Variants in TAF4B observed in about 807,000 individuals in gnomAD.
TAF4B encodes the protein transcription initiation factor TFIID subunit 4B.
Under a neutral mutation model 86.4 loss-of-function variants are expected in TAF4B, and 38 were observed. That is an observed-to-expected ratio of 0.44 (90% CI 0.34 to 0.58). The LOEUF (loss-of-function observed/expected upper bound fraction) is 0.58. Ranked by LOEUF, TAF4B falls within the 20% of genes least tolerant of loss-of-function variation. TAF4B has a pLI of 0.02. For missense variants in TAF4B, 988 were observed against 1,027.6 expected, an observed-to-expected ratio of 0.96 and a Z score of 0.53; for synonymous variants, 388 against 391.2, an observed-to-expected ratio of 0.99 and a Z score of 0.10.
intron 1 of TAF4B, among the ~76,000 whole-genome samples, chr18:26,252,815 GTTATT>G (rs1361060401): frequency 5.4e-5 from 8 of 149,342 alleles, no homozygotes; most frequent in South Asian, 2.1e-4. Context: ...TATTTTATTA[GTTATT>G]TTATTTATTT....
At chr18:26,355,616 A>G (rs915045932) in intron 13 of TAF4B, among the ~76,000 whole-genome samples, 2 of 152,236 alleles carry the variant, frequency 1.3e-5, no homozygotes, top group Admixed American at 6.5e-5. Context: ...TCAGAAAACC[A>G]AAGTATAATT....
At chr18:26,264,615 A>AGG (rs892653875) in intron 1 of TAF4B, among the ~76,000 whole-genome samples, 2 of 152,212 alleles carry the variant, frequency 1.3e-5, no homozygotes, top group African/African-American at 4.8e-5. Context: ...TACATAGCAA[A>AGG]GGGGAGTAAG....
intron 14 of TAF4B, among the ~76,000 whole-genome samples, chr18:26,381,809 T>G (rs1163887610): frequency 6.6e-6 from 1 of 152,102 alleles, no homozygotes; most frequent in African/African-American, 2.4e-5. Context: ...CTTCCATCCT[T>G]TGTGCTATTG....
At chr18:26,327,377 C>T (rs1332969285) in intron 12 of TAF4B, among the ~76,000 whole-genome samples, 1 of 152,142 alleles carries the variant, frequency 6.6e-6, no homozygotes, top group Non-Finnish European at 1.5e-5. Flanking sequence ...TCTCCCCATC[C>T]TCAAACCCAG....
At position 26,285,312 on chromosome 18, in the gene TAF4B, C is replaced by T. The variant is rs1054783779; in HGVS notation, c.973-570C>T. On this transcript the variant is annotated intron_variant, in intron 6 of 14. Transcript: ENST00000269142. ...TCAGCTCACTGCAACCTCTGCCTCC[C>T]GAGTAGCTGGGACTACACGTGTGTG... 4.9e-5 allele frequency among the ~76,000 whole-genome samples: 7 copies of T among 142,540 alleles called. No homozygotes were observed. In the East Asian group the frequency reaches 6.7e-4, roughly 14 times the overall value. The allele number at this position is 142,540 out of a possible 152,430, so 93.5% of individuals were successfully genotyped here. A position where few individuals can be genotyped will look rare whatever the true frequency, so the allele number is the denominator to read the frequency against.
At chr18:26,372,309 C>T (rs1598837042) in intron 14 of TAF4B, among the ~76,000 whole-genome samples, 1 of 152,312 alleles carries the variant, frequency 6.6e-6, no homozygotes, top group South Asian at 2.1e-4. Flanking sequence ...TTCCCATTCA[C>T]CTTGCCTATT....
intron 5 of TAF4B, among the ~76,000 whole-genome samples, chr18:26,280,153 TA>T (rs1482888392): frequency 1.3e-5 from 2 of 151,984 alleles, no homozygotes; most frequent in Non-Finnish European, 2.9e-5. Flanking sequence ...TCACCATATA[TA>T]AAAATTAACT....
chr18:26,375,918 C>T (rs1248042450), intron 14 of TAF4B, among the ~76,000 whole-genome samples: 4 of 151,990 alleles, frequency 2.6e-5, no homozygotes, highest in African/African-American at 9.7e-5. Flanking sequence ...CATTCTTTTG[C>T]GTGTGGCTAT....
intron 1 of TAF4B, among the ~76,000 whole-genome samples, chr18:26,238,782 C>A (rs1203841987): frequency 6.6e-6 from 1 of 151,998 alleles, no homozygotes; most frequent in East Asian, 1.9e-4. Flanking sequence ...ATGTTCCCCA[C>A]CCTGTGTCCA....
In TAF4B at chr18:26,340,586, G is replaced by A. The variant is rs2057128344; in HGVS notation, c.2316+5355G>A. On this transcript the variant is annotated intron_variant, in intron 13 of 14. Transcript: ENST00000269142. ...GTTGACATGCATAAAATTATCTGGA[G>A]AGCTTGTTAAAATACAGATTACTAG... 1.3e-5 allele frequency among the ~76,000 whole-genome samples: 2 copies of A among 152,130 alleles called. 1 individual carries two copies. Among genetic ancestry groups the A allele is most frequent in the African/African-American group, 4.8e-5 (2 of 41,430 alleles).
chr18:26,228,864 A>G (rs1301372781), intron 1 of TAF4B, among the ~76,000 whole-genome samples: 2 of 152,128 alleles, frequency 1.3e-5, no homozygotes, highest in Admixed American at 6.6e-5. Context: ...GGGCCTTATC[A>G]TGCTAAGCAC....
In TAF4B at chr18:26,274,838, T is replaced by G. The variant is rs766189024; in HGVS notation, c.759+14T>G. ...AATCTTTCTCCGGTAAGCTCTTACTTGCACCTTACATAAATCTTGTTCCTT... is the reference window on the plus strand; with the variant it reads ...AATCTTTCTCCGGTAAGCTCTTACTGGCACCTTACATAAATCTTGTTCCTT... On this transcript the variant is annotated intron_variant, in intron 4 of 14. Transcript: ENST00000269142. 21 of 1,614,052 alleles carry G rather than the reference T, an allele frequency of 1.3e-5. No individual in the cohort carries two copies. Among genetic ancestry groups the G allele is most frequent in the Non-Finnish European group, 1.7e-5 (20 of 1,180,014 alleles).
At chr18:26,273,367 A>C (rs1412367837) in intron 3 of TAF4B, among the ~76,000 whole-genome samples, 2 of 152,180 alleles carry the variant, frequency 1.3e-5, no homozygotes, top group Non-Finnish European at 2.9e-5. Context: ...TGCATTATGA[A>C]ATATACATGC....
At chr18:26,373,908 A>G (rs964166609) in intron 14 of TAF4B, among the ~76,000 whole-genome samples, 1 of 152,182 alleles carries the variant, frequency 6.6e-6, no homozygotes, top group Non-Finnish European at 1.5e-5. Flanking sequence ...TTATGCCACT[A>G]TAGCCTTTTC....
At chr18:26,310,854 C>T (rs1374669062) in intron 9 of TAF4B, among the ~76,000 whole-genome samples, 1 of 151,300 alleles carries the variant, frequency 6.6e-6, no homozygotes, top group Non-Finnish European at 1.5e-5. Context: ...TTCTTGGGTA[C>T]AGTATACTTT....
intron 6 of TAF4B, among the ~76,000 whole-genome samples, chr18:26,283,609 C>T (rs556482955): frequency 1.3e-5 from 2 of 152,170 alleles, no homozygotes; most frequent in South Asian, 4.2e-4. Flanking sequence ...GCATTGGCTT[C>T]CACTTGAAGT....
At chr18:26,389,496 C>T (rs1978577790) in intron 14 of TAF4B, among the ~76,000 whole-genome samples, 1 of 152,210 alleles carries the variant, frequency 6.6e-6, no homozygotes, top group Non-Finnish European at 1.5e-5. Context: ...AAGTGATAAA[C>T]AAGTCTTTCA....
chr18:26,299,515 GTATC>G, intron 9 of TAF4B, among the ~76,000 whole-genome samples: 1 of 151,964 alleles, frequency 6.6e-6, no homozygotes, highest in South Asian at 2.1e-4. Flanking sequence ...CCAGAATTTG[GTATC>G]TGTGATTATA....
intron 1 of TAF4B, among the ~76,000 whole-genome samples, chr18:26,229,494 C>CTTTTTTTT (rs34261854): frequency 1.3e-3 from 171 of 129,332 alleles, no homozygotes; most frequent in East Asian, 2.1e-3. Context: ...TTCTTTCTTT[C>CTTTTTTTT]TTTTTTTTTT....
Sources: gnomAD v4.1 joint callset for allele counts (sites outside exome capture counted in the v4.1 genomes callset) on GRCh38, gnomAD v4.1.1 for gene constraint, MANE v1.5 for transcripts, NCBI Gene and HGNC (gene_info 2026-07-23, HGNC 2026-07-21) for gene names.